The following RSPO3 variants were observed in gnomAD, a reference collection of about 807,000 sequenced individuals.
RSPO3 encodes R-spondin-3.
In RSPO3, 17 loss-of-function variants were observed where a neutral mutation model predicts 36.5. The ratio of observed to expected loss-of-function variants is 0.47; its 90% CI spans 0.32 to 0.70. RSPO3 has a LOEUF of 0.70. Among genes scored for constraint, RSPO3 ranks in the 30% least tolerant of loss-of-function variants. The probability of loss-of-function intolerance (pLI) is 0.04; values close to 1 mark genes in which losing one functional copy is unlikely to be tolerated. For missense variants in RSPO3, 294 were observed against 322.5 expected (o/e 0.91, Z 0.68); for synonymous variants, 108 against 107.0 (o/e 1.01, Z -0.06).
At chr6:127,159,346 G>C (rs1175312122) in intron 4 of RSPO3, among the ~76,000 whole-genome samples, 3 of 152,120 alleles carry the variant, frequency 2.0e-5, no homozygotes, top group Admixed American at 2.0e-4. Context: ...GATAGTGTAT[G>C]ATCTTGGGAT....
chr6:127,142,842 G>C (rs573665287), intron 1 of RSPO3, among the ~76,000 whole-genome samples: 1 of 151,264 alleles, frequency 6.6e-6, no homozygotes, highest in Non-Finnish European at 1.5e-5. Context: ...TTTTAGACAA[G>C]GTATCTCTCT....
chr6:127,150,660 A>G (rs1476002080), intron 3 of RSPO3, 88 bp downstream of exon 3: 1 of 1,292,280 alleles, frequency 7.7e-7, no homozygotes, highest in African/African-American at 1.5e-5. Flanking sequence ...AAGAACTTGA[A>G]GGTTCTTGGG....
At chr6:127,177,481 G>C (rs1170692386) in intron 4 of RSPO3, among the ~76,000 whole-genome samples, 1 of 151,776 alleles carries the variant, frequency 6.6e-6, no homozygotes, top group Non-Finnish European at 1.5e-5. Context: ...GAAGACAACA[G>C]GATTGCGATG....
At chr6:127,193,714 A>C (rs1019434804) in intron 4 of RSPO3, among the ~76,000 whole-genome samples, 6 of 152,130 alleles carry the variant, frequency 3.9e-5, no homozygotes, top group Non-Finnish European at 7.4e-5. Flanking sequence ...AGAAAGGGAA[A>C]CTTACTCTTC....
In RSPO3 at chr6:127,197,787, GTTTC is replaced by G; in HGVS notation, c.*1785_*1788del. On this transcript the variant is annotated 3_prime_UTR_variant, in exon 5 of 5. Coordinates refer to ENST00000356698, the MANE Select transcript of RSPO3 (RefSeq NM_032784.5). Reference sequence around the variant, plus strand: ...ATTTATTCCTGTTTCTTATTCTGGTGTTTCTTTCCTTGTCCCTATGAGATAAGTG... The same window carrying G: ...ATTTATTCCTGTTTCTTATTCTGGTGTTTCCTTGTCCCTATGAGATAAGTG... 1 of 343,948 alleles carries G rather than the reference GTTTC, an allele frequency of 2.9e-6. No individual in the cohort carries two copies. The highest frequency in any genetic ancestry group is 5.3e-6 in the Non-Finnish European group (1 of 190,104). 21.3% of individuals were successfully genotyped at this position (343,948 alleles called of 1,614,324 possible). A position where few individuals can be genotyped will look rare whatever the true frequency, so the allele number is the denominator to read the frequency against.
intron 4 of RSPO3, 84 bp from the exon 5 acceptor site, chr6:127,195,739 G>T: frequency 1.1e-6 from 1 of 931,922 alleles, no homozygotes; most frequent in East Asian, 2.7e-5. Context: ...TAATCTAAGA[G>T]AAATTTAAGT....
intron 4 of RSPO3, among the ~76,000 whole-genome samples, chr6:127,180,628 G>T (rs2114631625): frequency 6.6e-6 from 1 of 151,088 alleles, no homozygotes; most frequent in Non-Finnish European, 1.5e-5. Context: ...AAGTAAGGCA[G>T]ATGGCCTTGA....
At chr6:127,165,369 C>T (rs1312857164) in intron 4 of RSPO3, among the ~76,000 whole-genome samples, 1 of 151,936 alleles carries the variant, frequency 6.6e-6, no homozygotes, top group Non-Finnish European at 1.5e-5. Flanking sequence ...CAATTGTAAA[C>T]ATCTGCTATG....
chr6:127,149,667 T>A (rs1349787958), intron 2 of RSPO3, among the ~76,000 whole-genome samples: 1 of 152,002 alleles, frequency 6.6e-6, no homozygotes, highest in Non-Finnish European at 1.5e-5. Flanking sequence ...TGTTTTTTTG[T>A]TTTGTTTTCC....
rs139715950 is a variant in RSPO3 at position 127,148,631 on chromosome 6, T to C, written c.98-17T>C. ...TGATTTAACCTTTGTAATGTCTTTC[T>C]ACATTTGTCTCCACAGTGCATCCTA... On this transcript the variant is annotated splice_polypyrimidine_tract_variant and intron_variant, in intron 1 of 4. Coordinates refer to ENST00000356698, the MANE Select transcript of RSPO3 (RefSeq NM_032784.5). 5.6e-6 allele frequency: 9 copies of C among 1,593,680 alleles called. No individual in the cohort carries two copies. In the African/African-American group the frequency reaches 8.0e-5, roughly 14 times the overall value.
intron 4 of RSPO3, among the ~76,000 whole-genome samples, chr6:127,156,739 G>A (rs1774604006): frequency 6.6e-6 from 1 of 152,118 alleles, no homozygotes; most frequent in African/African-American, 2.4e-5. Context: ...AGAGTCCAGT[G>A]AAAGGTTGAG....
chr6:127,127,166 T>C (rs1465048282), intron 1 of RSPO3, among the ~76,000 whole-genome samples: 1 of 152,030 alleles, frequency 6.6e-6, no homozygotes, highest in Non-Finnish European at 1.5e-5. Context: ...CCACACAATA[T>C]AAAATAACAG....
At chr6:127,119,358 C>A in intron 1 of RSPO3, 69 bp downstream of exon 1, 2 of 1,140,318 alleles carry the variant, frequency 1.8e-6, no homozygotes, top group Admixed American at 1.8e-5. Flanking sequence ...CTTTGCCTGT[C>A]CGGAGCCGGC....
chr6:127,192,838 A>G (rs1775440142), intron 4 of RSPO3: 1 of 359,806 alleles, frequency 2.8e-6, no homozygotes, highest in Non-Finnish European at 3.9e-6. Flanking sequence ...AGTTTGCAAA[A>G]TTGCCAAAAA....
chr6:127,191,609 CT>C (rs1465865296), intron 4 of RSPO3, among the ~76,000 whole-genome samples: 1 of 152,144 alleles, frequency 6.6e-6, no homozygotes, highest in Non-Finnish European at 1.5e-5. Context: ...TTAAATATGG[CT>C]TTTTGGTCTA....
Position 127,191,244 on chromosome 6 carries a change from C to T in RSPO3, c.635-4579C>T, listed in dbSNP as rs59183105. Among the ~76,000 whole-genome samples the T allele has an allele frequency of 5.2e-3, 798 of 152,156 alleles. 6 individuals are homozygous for T. Among genetic ancestry groups the T allele is most frequent in the African/African-American group, 0.017 (725 of 41,512 alleles). On this transcript the variant is annotated intron_variant, in intron 4 of 4. Coordinates refer to ENST00000356698, the MANE Select transcript of RSPO3 (RefSeq NM_032784.5). ...AAAATGAAAGAAACAAAGGAGCAAC[C>T]ATGCAATTTGAAGTAAGTTTTGAGA...
chr6:127,144,656 T>TTTTTTTTTTTTTTTTTATA (rs1554220622), intron 1 of RSPO3, among the ~76,000 whole-genome samples: 1 of 147,704 alleles, frequency 6.8e-6, no homozygotes, highest in African/African-American at 2.5e-5. Context: ...TTTTTTTTTT[T>TTTTTTTTTTTTTTTTTATA]CAGACAGAGT....
intron 1 of RSPO3, among the ~76,000 whole-genome samples, chr6:127,139,064 T>C (rs533885822): frequency 5.9e-5 from 9 of 151,922 alleles, no homozygotes; most frequent in African/African-American, 2.2e-4. Flanking sequence ...TCTTCTTCAA[T>C]TCCGTTAGCA....
intron 4 of RSPO3, among the ~76,000 whole-genome samples, chr6:127,195,002 A>G (rs1165550398): frequency 6.6e-6 from 1 of 152,236 alleles, no homozygotes; most frequent in Non-Finnish European, 1.5e-5. Context: ...ATGTTAAAAT[A>G]CAATTATCTT....
Sources: allele counts gnomAD v4.1 joint callset (sites outside exome capture counted in the v4.1 genomes callset), GRCh38; gene constraint gnomAD v4.1.1; transcripts MANE v1.5; gene names NCBI Gene and HGNC (gene_info 2026-07-23, HGNC 2026-07-21).